Variants in TSPAN18 observed in about 807,000 individuals in gnomAD.
TSPAN18 encodes tetraspanin 18.
TSPAN18 carries 14 observed loss-of-function variants against 27.3 expected under a neutral mutation model. The ratio of observed to expected loss-of-function variants is 0.51; its 90% CI spans 0.34 to 0.80. The LOEUF is 0.80. Among genes scored for constraint, TSPAN18 ranks in the 30% least tolerant of loss-of-function variants. The pLI is 0.01. For missense variants in TSPAN18, 268 were observed against 323.9 expected (o/e 0.83, Z 1.32); for synonymous variants, 143 against 136.5 (o/e 1.05, Z -0.33).
intron 3 of TSPAN18, among the ~76,000 whole-genome samples, chr11:44,891,776 C>T (rs1268412110): frequency 6.6e-6 from 1 of 152,206 alleles, no homozygotes; most frequent in Non-Finnish European, 1.5e-5. Context: ...GAGGCTGCTG[C>T]TGGCTGATCC....
At chr11:44,868,130 C>G (rs1858089993) in intron 3 of TSPAN18, among the ~76,000 whole-genome samples, 2 of 152,076 alleles carry the variant, frequency 1.3e-5, no homozygotes, top group African/African-American at 4.8e-5. Flanking sequence ...AGCGTGGATA[C>G]CCGGGTCATG....
rs560792960 is a variant in TSPAN18 at position 44,857,852 on chromosome 11, TACAC to T, written c.-152-2472_-152-2469del. ...TCACACACTGAATCCCTCCCCCCGA[TACAC>T]ACAGATGCATGCCCACCCCCACATG... On this transcript the variant is annotated intron_variant, in intron 2 of 9. Transcript: ENST00000520358. Among the ~76,000 whole-genome samples the T allele has an allele frequency of 4.0e-3, 615 of 152,154 alleles. 3 individuals carry two copies. Among genetic ancestry groups the T allele is most frequent in the South Asian group, 0.011 (54 of 4,818 alleles).
intron 2 of TSPAN18, among the ~76,000 whole-genome samples, chr11:44,799,605 T>C (rs1856431133): frequency 6.6e-6 from 1 of 152,090 alleles, no homozygotes; most frequent in Non-Finnish European, 1.5e-5. Flanking sequence ...GTGGGGCACA[T>C]CGATTGGGTG....
chr11:44,758,372 A>G (rs1038453362), intron 1 of TSPAN18, among the ~76,000 whole-genome samples: 1 of 152,120 alleles, frequency 6.6e-6, no homozygotes, highest in Non-Finnish European at 1.5e-5. Context: ...TGTATGCTTA[A>G]CCATCCTTGC....
At position 44,929,473 on chromosome 11, in the gene TSPAN18, C is replaced by T; in HGVS notation, c.*295C>T. ...TCTAGAGACCAAAGGAACACCAGGCCCAGCGCCCTCTTTGGTCCAGCCAGA... is the reference window on the plus strand; with the variant it reads ...TCTAGAGACCAAAGGAACACCAGGCTCAGCGCCCTCTTTGGTCCAGCCAGA... On this transcript the variant is annotated 3_prime_UTR_variant, in exon 10 of 10. Transcript: ENST00000520358. The T allele has an allele frequency of 2.4e-6, 1 of 420,678 alleles. No homozygotes were observed. Among genetic ancestry groups the T allele is most frequent in the Non-Finnish European group, 4.2e-6 (1 of 236,010 alleles). The allele number at this position is 420,678 out of a possible 1,614,324, so 26.1% of individuals were successfully genotyped here. A position where few individuals can be genotyped will look rare whatever the true frequency, so the allele number is the denominator to read the frequency against.
chr11:44,819,174 G>C (rs967566990), intron 2 of TSPAN18, among the ~76,000 whole-genome samples: 1 of 152,154 alleles, frequency 6.6e-6, no homozygotes, highest in Admixed American at 6.5e-5. Flanking sequence ...CTCTTCTCTG[G>C]AGTGGTTTGG....
chr11:44,776,598 G>A (rs151263408), intron 2 of TSPAN18, among the ~76,000 whole-genome samples: 267 of 152,230 alleles, frequency 1.8e-3, no homozygotes, highest in African/African-American at 6.0e-3. Flanking sequence ...CTGCTCTGCC[G>A]TCCTTCTTCT....
At chr11:44,864,346 G>A (rs539912861) in intron 3 of TSPAN18, among the ~76,000 whole-genome samples, 3 of 149,112 alleles carry the variant, frequency 2.0e-5, no homozygotes, top group South Asian at 4.3e-4. Flanking sequence ...TCCCATCTCC[G>A]AAAAGTGTTG....
At chr11:44,744,015 G>A (rs534524227) in intron 1 of TSPAN18, among the ~76,000 whole-genome samples, 2 of 152,244 alleles carry the variant, frequency 1.3e-5, no homozygotes, top group South Asian at 2.1e-4. Flanking sequence ...GAGCAAGAAG[G>A]AGCCATCTGG....
intron 4 of TSPAN18, among the ~76,000 whole-genome samples, chr11:44,908,768 G>GAAAGAAAGAAA (rs773586685): frequency 1.9e-3 from 54 of 28,252 alleles, no homozygotes; most frequent in African/African-American, 4.5e-3. Context: ...GAGAGAGAAA[G>GAAAGAAAGAAA]GAGAAAGAAA....
intron 3 of TSPAN18, among the ~76,000 whole-genome samples, chr11:44,881,641 C>A (rs933526012): frequency 2.0e-5 from 3 of 152,136 alleles, no homozygotes; most frequent in Admixed American, 2.0e-4. Context: ...TGCAAGTGCC[C>A]GCTGTATGCC....
intron 2 of TSPAN18, among the ~76,000 whole-genome samples, chr11:44,801,663 C>T (rs149700812): frequency 7.9e-5 from 12 of 152,208 alleles, no homozygotes; most frequent in African/African-American, 2.9e-4. Flanking sequence ...ATCCCAGCTC[C>T]GTTTTCCCAG....
intron 2 of TSPAN18, among the ~76,000 whole-genome samples, chr11:44,829,254 C>T (rs1590543298): frequency 6.6e-6 from 1 of 152,234 alleles, no homozygotes; most frequent in South Asian, 2.1e-4. Context: ...GGTTTTGATA[C>T]CTGTATAATG....
chr11:44,869,440 G>A (rs1271446182), intron 3 of TSPAN18, among the ~76,000 whole-genome samples: 1 of 152,218 alleles, frequency 6.6e-6, no homozygotes, highest in African/African-American at 2.4e-5. Context: ...TCGTGGAGAG[G>A]TTAAAACCAG....
At chr11:44,727,782 T>A (rs1468901602) in intron 1 of TSPAN18, among the ~76,000 whole-genome samples, 1 of 149,688 alleles carries the variant, frequency 6.7e-6, no homozygotes, top group Non-Finnish European at 1.5e-5. Flanking sequence ...TTGGGGTCCC[T>A]GGCAGCGGGG....
intron 4 of TSPAN18, among the ~76,000 whole-genome samples, chr11:44,908,831 A>AAAGAGAAAGAAAGAAAGAAAGAAAG: frequency 1.0e-5 from 1 of 96,160 alleles, no homozygotes; most frequent in African/African-American, 4.2e-5. Flanking sequence ...AAGAAAGAAA[A>AAAGAGAAAGAAAGAAAGAAAGAAAG]AGAAAAATGG....
chr11:44,827,414 T>C (rs944818034), intron 2 of TSPAN18, among the ~76,000 whole-genome samples: 5 of 152,192 alleles, frequency 3.3e-5, no homozygotes, highest in African/African-American at 1.2e-4. Flanking sequence ...AGGTGTGCCC[T>C]ACCCAAGCCC....
At chr11:44,873,192 C>T (rs1052023030) in intron 3 of TSPAN18, among the ~76,000 whole-genome samples, 4 of 152,220 alleles carry the variant, frequency 2.6e-5, no homozygotes, top group African/African-American at 7.2e-5. Flanking sequence ...AGCACAGGGG[C>T]CCTGCATAGC....
At chr11:44,910,757 G>A (rs1006134955) in intron 5 of TSPAN18, among the ~76,000 whole-genome samples, 3 of 152,070 alleles carry the variant, frequency 2.0e-5, no homozygotes, top group African/African-American at 7.2e-5. Flanking sequence ...AAGATATGTC[G>A]GGGACCAGGA....
Sources: allele counts gnomAD v4.1 joint callset (sites outside exome capture counted in the v4.1 genomes callset), GRCh38; gene constraint gnomAD v4.1.1; transcripts MANE v1.5; gene names NCBI Gene and HGNC (gene_info 2026-07-23, HGNC 2026-07-21).